The following DNAH6 variants were observed in gnomAD, a reference collection of about 807,000 sequenced individuals.
DNAH6 encodes axonemal beta dynein heavy chain 6.
Under a neutral mutation model 491.4 loss-of-function variants are expected in DNAH6, and 340 were observed. The ratio of observed to expected loss-of-function variants is 0.69; its 90% confidence interval spans 0.63 to 0.76. The LOEUF is 0.76. Ranked by LOEUF, DNAH6 falls within the 30% of genes least tolerant of loss-of-function variation. The pLI, the probability that DNAH6 is intolerant of heterozygous loss-of-function variation, is 0.00. For missense variants in DNAH6, 4,443 were observed against 4,972.2 expected (o/e 0.89, Z 3.20); for synonymous variants, 1,603 against 1,686.1 (o/e 0.95, Z 1.21).
intron 18 of DNAH6, among the ~76,000 whole-genome samples, chr2:84,598,127 T>TTTTCTTTCTC (rs1553438003): frequency 2.2e-4 from 24 of 109,402 alleles, no homozygotes; most frequent in East Asian, 5.1e-4. Context: ...TCTATCTTTC[T>TTTTCTTTCTC]TTTCTTTCTT....
intron 76 of DNAH6, 91 bp downstream of exon 76, chr2:84,816,174 C>G: frequency 2.0e-6 from 2 of 1,003,354 alleles, no homozygotes; most frequent in South Asian, 1.7e-5. Flanking sequence ...CTCAAGATCT[C>G]CCTTGGGCCA....
At chr2:84,460,529 AT>A in the DNAH6 span, among the ~76,000 whole-genome samples, 1 of 152,236 alleles carries the variant, frequency 6.6e-6, no homozygotes, top group Non-Finnish European at 1.5e-5. Context: ...ATGACAAAAA[AT>A]ATAATTTCAG....
chr2:84,658,368 A>G lies in DNAH6; in HGVS notation c.5834A>G (p.Lys1945Arg). 6.5e-7 allele frequency: 1 copy of G among 1,549,250 alleles called. No individual in the cohort carries two copies. The highest frequency in any genetic ancestry group is 8.7e-7 in the Non-Finnish European group (1 of 1,145,622). ...GATGAAGGTTTACATTTTATCAATAAAAAGTGCAGCCAAGCAATTCCACAA... is the reference window on the plus strand; with the variant it reads ...GATGAAGGTTTACATTTTATCAATAGAAAGTGCAGCCAAGCAATTCCACAA... ...YVDEGLHFINKKCSQAIPQVD... is the reference protein window; with the variant it reads ...YVDEGLHFINRKCSQAIPQVD... Residue 1945 changes from lysine (K) to arginine (R), a missense_variant, in exon 36 of 77, where the codon AAA becomes AGA. By Grantham distance (26) the Lys-to-Arg change is conservative. This residue lies in a region of DNAH6 where 2,977 missense variants were observed against 3,296.6 expected (regional missense o/e 0.90). Coordinates refer to ENST00000389394, the MANE Select transcript of DNAH6 (RefSeq NM_001370.2).
At chr2:84,472,176 A>G in the DNAH6 span, among the ~76,000 whole-genome samples, 1 of 151,942 alleles carries the variant, frequency 6.6e-6, no homozygotes, top group East Asian at 1.9e-4. Context: ...GCAATTGCAT[A>G]TGCAGTGTTT....
intron 37 of DNAH6, among the ~76,000 whole-genome samples, chr2:84,667,277 A>G (rs62164309): frequency 6.6e-6 from 1 of 152,226 alleles, no homozygotes; most frequent in African/African-American, 2.4e-5. Flanking sequence ...GAGCTTCTGC[A>G]CAGCAAAAGA....
At chr2:84,716,095 A>G (rs896167065) in intron 58 of DNAH6, among the ~76,000 whole-genome samples, 1 of 150,588 alleles carries the variant, frequency 6.6e-6, no homozygotes, top group African/African-American at 2.5e-5. Flanking sequence ...GTGTATATAT[A>G]TGTATATATG....
chr2:84,794,058 G>A (rs1236551932), intron 68 of DNAH6, among the ~76,000 whole-genome samples: 3 of 152,062 alleles, frequency 2.0e-5, no homozygotes, highest in African/African-American at 7.2e-5. Context: ...ACAAACCTGA[G>A]AAAAACAAGC....
rs188756742 is a variant in DNAH6 at position 84,570,438 on chromosome 2, A to C, written c.1804-3029A>C. On this transcript the variant is annotated intron_variant, in intron 11 of 76. Coordinates refer to ENST00000389394, the MANE Select transcript of DNAH6 (RefSeq NM_001370.2). ...CCAATCAGCACTCTGTGTCTAGCTA[A>C]AGGAATGTAAATGCACCAATCAGCA... Among the ~76,000 whole-genome samples, 379 of 152,114 alleles carry C rather than the reference A, an allele frequency of 2.5e-3. 1 individual carries two copies. The highest frequency in any genetic ancestry group is 4.6e-3 in the Admixed American group (70 of 15,294).
chr2:84,586,432 G>T (rs1235878345), intron 15 of DNAH6, among the ~76,000 whole-genome samples: 1 of 152,210 alleles, frequency 6.6e-6, no homozygotes, highest in Non-Finnish European at 1.5e-5. Flanking sequence ...CTATTAATTA[G>T]AACCACACAG....
At chr2:84,810,167 A>G (rs1679822875) in intron 72 of DNAH6, among the ~76,000 whole-genome samples, 1 of 152,120 alleles carries the variant, frequency 6.6e-6, no homozygotes, top group Non-Finnish European at 1.5e-5. Flanking sequence ...AGGCCCCATC[A>G]TCTCAGGTCT....
intron 30 of DNAH6, 84 bp from the exon 31 acceptor site, chr2:84,637,126 T>G: frequency 5.4e-4 from 636 of 1,185,876 alleles, no homozygotes; most frequent in Non-Finnish European, 6.7e-4. Flanking sequence ...CTTCATTACA[T>G]GAGTCTTGTA....
At chr2:84,816,173 T>C in intron 76 of DNAH6, 90 bp downstream of exon 76, 1 of 1,025,572 alleles carries the variant, frequency 9.8e-7, no homozygotes, top group Non-Finnish European at 1.4e-6. Flanking sequence ...GCTCAAGATC[T>C]CCCTTGGGCC....
At chr2:84,550,109 G>A (rs751020477) in intron 9 of DNAH6, 52 bp downstream of exon 9, 41 of 1,401,944 alleles carry the variant, frequency 2.9e-5, no homozygotes, top group Non-Finnish European at 3.9e-5. Context: ...TTATTGAGGA[G>A]TGCAAACTAC....
intron 62 of DNAH6, among the ~76,000 whole-genome samples, chr2:84,743,533 A>G (rs1382179261): frequency 7.9e-5 from 12 of 152,170 alleles, no homozygotes; most frequent in Admixed American, 6.5e-4. Flanking sequence ...TAAAATATAC[A>G]TTATTAAGCT....
At chr2:84,686,397 G>C in intron 43 of DNAH6, 87 bp from the exon 44 acceptor site, 1 of 745,760 alleles carries the variant, frequency 1.3e-6, no homozygotes, top group South Asian at 1.8e-5. Flanking sequence ...TAAGTAAAAT[G>C]CAGCTATTAT....
Position 84,704,080 on chromosome 2 carries a change from T to C in DNAH6, c.8243T>C (p.Val2748Ala), listed in dbSNP as rs1340905632. The change falls in exon 51 of 77, where the codon GTG becomes GCG. Residue 2748 changes from valine to alanine, a missense_variant. Coordinates refer to ENST00000389394, the MANE Select transcript of DNAH6 (RefSeq NM_001370.2). ...QESADQVRNTVQEDEATAKVK... is the reference protein window; with the variant it reads ...QESADQVRNTAQEDEATAKVK... ...TTCAATGGTTAGGTCCGTAACACTG[T>C]GCAGGAGGATGAAGCAACAGCAAAA... The C allele has an allele frequency of 7.1e-6, 11 of 1,551,558 alleles. No individual in the cohort carries two copies. In the East Asian group the frequency reaches 2.4e-4, roughly 34 times the overall value.
chr2:84,634,371 C>A, intron 29 of DNAH6, 133 bp from the exon 30 acceptor site: 1 of 850,752 alleles, frequency 1.2e-6, no homozygotes, highest in Non-Finnish European at 1.6e-6. Flanking sequence ...CTGACATAGA[C>A]CAGTATTCAC....
intron 60 of DNAH6, 134 bp downstream of exon 60, chr2:84,722,938 G>A (rs933744963): frequency 4.6e-5 from 27 of 589,772 alleles, no homozygotes; most frequent in Non-Finnish European, 7.1e-5. Flanking sequence ...AGGTTCAAGA[G>A]TGGTTCCAGC....
Position 84,727,908 on chromosome 2 carries a change from T to C in DNAH6, c.10206+6T>C. ...GTTCTGCAGGATTGGAAAAGGTACC[T>C]GATTCCCATTTAGGTGATGATTGAT... On this transcript the variant is annotated splice_donor_region_variant and intron_variant, in intron 61 of 76. Transcript: ENST00000389394. 1.3e-6 allele frequency: 2 copies of C among 1,514,210 alleles called. No homozygotes were observed. 93.8% of individuals were successfully genotyped at this position (1,514,210 alleles called of 1,614,324 possible). A position where few individuals can be genotyped will look rare whatever the true frequency, so the allele number is the denominator to read the frequency against.
Sources: allele counts gnomAD v4.1 joint callset (sites outside exome capture counted in the v4.1 genomes callset), GRCh38; gene constraint gnomAD v4.1.1; regional missense constraint gnomAD v4.1.1; transcripts MANE v1.5; gene names NCBI Gene and HGNC (gene_info 2026-07-23, HGNC 2026-07-21).